The following UBE2F variants were observed in gnomAD, a reference collection of about 807,000 sequenced individuals.
UBE2F encodes NEDD8-conjugating enzyme UBE2F.
UBE2F carries 5 observed loss-of-function variants against 29.6 expected under a neutral mutation model. The ratio of observed to expected loss-of-function variants is 0.17; its 90% CI spans 0.09 to 0.36. The LOEUF (loss-of-function observed/expected upper bound fraction) is 0.36, where lower values mean the gene tolerates loss of function less well. Among genes scored for constraint, UBE2F ranks in the 10% least tolerant of loss-of-function variants. The probability of loss-of-function intolerance (pLI) is 1.00; values close to 1 mark genes in which losing one functional copy is unlikely to be tolerated. For synonymous variants in UBE2F, 66 were observed against 81.8 expected (o/e 0.81, Z 1.04); for missense variants, 141 against 228.5 (o/e 0.62, Z 2.47).
chr2:237,967,073 C>A lies in UBE2F; in HGVS notation c.-76C>A, dbSNP rs2063069039. On this transcript the variant is annotated 5_prime_UTR_variant, in exon 1 of 10. Coordinates refer to ENST00000272930, the MANE Select transcript of UBE2F (RefSeq NM_080678.3). This position sits in a 1 kb window ranked among gnomAD's most constrained non-coding sequence, Gnocchi z 6.3. ...GTGAGGGGCCGCGTCTCGCAGCAGC[C>A]GCCCGGACCGGGCATGGTGTTGGGC... The A allele has an allele frequency of 1.5e-6, 2 of 1,329,688 alleles. No individual in the cohort carries two copies. The highest frequency in any genetic ancestry group is 1.5e-5 in the African/African-American group (1 of 65,198). 82.4% of individuals were successfully genotyped at this position (1,329,688 alleles called of 1,614,324 possible). A position where few individuals can be genotyped will look rare whatever the true frequency, so the allele number is the denominator to read the frequency against.
intron 4 of UBE2F, among the ~76,000 whole-genome samples, chr2:238,008,810 T>C (rs1163400372): frequency 6.6e-6 from 1 of 152,254 alleles, no homozygotes; most frequent in African/African-American, 2.4e-5. Flanking sequence ...CTTTTACATA[T>C]GTTGTAACCC....
intron 3 of UBE2F, among the ~76,000 whole-genome samples, chr2:237,994,133 A>T (rs565084499): frequency 7.3e-6 from 1 of 137,218 alleles, no homozygotes; most frequent in South Asian, 2.3e-4. Flanking sequence ...TTTTTGAGGC[A>T]GAGTTTCACT....
In UBE2F at chr2:238,042,281, G is replaced by A. The variant is rs1371332582; in HGVS notation, c.*943G>A. ...GCAGTGGTCATGTGATTGTGACCTG[G>A]TAGCTACTTATCAGAGAGCCAGACC... On this transcript the variant is annotated 3_prime_UTR_variant, in exon 10 of 10. Transcript: ENST00000272930. The A allele has an allele frequency of 2.0e-5, 3 of 152,224 alleles. 1 individual carries two copies. The highest frequency in any genetic ancestry group is 4.1e-4 in the South Asian group (2 of 4,826). 9.4% of individuals were successfully genotyped at this position (152,224 alleles called of 1,614,324 possible). A position where few individuals can be genotyped will look rare whatever the true frequency, so the allele number is the denominator to read the frequency against.
chr2:237,970,898 A>G (rs912138750), intron 1 of UBE2F, among the ~76,000 whole-genome samples: 5 of 152,102 alleles, frequency 3.3e-5, no homozygotes, highest in Admixed American at 2.6e-4. Context: ...TTTTTAGTGG[A>G]GATGGGGTTT....
chr2:238,026,819 G>A (rs1159451837), intron 6 of UBE2F, among the ~76,000 whole-genome samples: 2 of 152,056 alleles, frequency 1.3e-5, no homozygotes, highest in South Asian at 2.1e-4. Context: ...TATCAGCCTC[G>A]TTTTTCACAG....
At chr2:237,990,121 A>G (rs1007606357) in intron 3 of UBE2F, among the ~76,000 whole-genome samples, 1 of 151,716 alleles carries the variant, frequency 6.6e-6, no homozygotes, top group Admixed American at 6.6e-5. Context: ...CAAAAAAAAA[A>G]AAAAAAAAAA....
intron 3 of UBE2F, 69 bp downstream of exon 3, chr2:237,988,061 A>G: frequency 1.2e-6 from 1 of 844,652 alleles, no homozygotes; most frequent in South Asian, 2.0e-5. Flanking sequence ...TTATGTTTTA[A>G]TAACCTTGTA....
chr2:237,977,704 T>A (rs1331633957), intron 2 of UBE2F, among the ~76,000 whole-genome samples: 1 of 151,860 alleles, frequency 6.6e-6, no homozygotes, highest in Non-Finnish European at 1.5e-5. Flanking sequence ...CTTTGAGGGG[T>A]GATAAAGTGA....
intron 3 of UBE2F, among the ~76,000 whole-genome samples, chr2:237,988,335 C>A (rs187505442): frequency 1.8e-4 from 27 of 152,092 alleles, no homozygotes; most frequent in Admixed American, 1.3e-3. Context: ...GTAGTTCCAG[C>A]TACTTGGGAG....
chr2:237,972,986 AT>A, intron 1 of UBE2F, 105 bp from the exon 2 acceptor site: 1 of 1,328,704 alleles, frequency 7.5e-7, no homozygotes, highest in Non-Finnish European at 1.0e-6. Flanking sequence ...CCATAACTAA[AT>A]TGTGGGAAAA....
intron 2 of UBE2F, among the ~76,000 whole-genome samples, chr2:237,985,774 A>G (rs1398906042): frequency 2.6e-5 from 4 of 152,208 alleles, no homozygotes; most frequent in Non-Finnish European, 4.4e-5. Context: ...GAACTTCCAT[A>G]CTGTTTTCCA....
At chr2:237,992,021 C>T (rs977099116) in intron 3 of UBE2F, among the ~76,000 whole-genome samples, 7 of 152,066 alleles carry the variant, frequency 4.6e-5, no homozygotes, top group Admixed American at 4.6e-4. Context: ...TGCGCCATTA[C>T]ATCCGGCTAA....
At chr2:238,012,601 A>G (rs575964111) in intron 4 of UBE2F, among the ~76,000 whole-genome samples, 7 of 152,340 alleles carry the variant, frequency 4.6e-5, no homozygotes, top group South Asian at 2.1e-4. Context: ...CAGTTTATCA[A>G]AACTATCTGC....
Position 237,996,622 on chromosome 2 carries a change from T to A in UBE2F, c.214+1813T>A, listed in dbSNP as rs967929265. 2.2e-4 allele frequency among the ~76,000 whole-genome samples: 34 copies of A among 151,902 alleles called. 1 individual carries two copies. Among genetic ancestry groups the A allele is most frequent in the Admixed American group, 1.8e-3 (27 of 15,246 alleles). On this transcript the variant is annotated intron_variant, in intron 4 of 9. Transcript: ENST00000272930. The stretch of plus-strand genomic sequence containing the variant: ...TCCTGAGTAGCTGGGATTACAGGCA[T>A]GCGCCACCATGCCCAGCTAATTTTT...
chr2:237,976,794 A>T (rs1489403723), intron 2 of UBE2F, among the ~76,000 whole-genome samples: 2 of 152,158 alleles, frequency 1.3e-5, no homozygotes, highest in East Asian at 3.8e-4. Context: ...TAGGCACTTA[A>T]TGGGGTAATT....
chr2:237,977,125 C>G (rs1044357552), intron 2 of UBE2F, among the ~76,000 whole-genome samples: 6 of 152,052 alleles, frequency 3.9e-5, no homozygotes, highest in Non-Finnish European at 8.8e-5. Flanking sequence ...CCAACCTGGG[C>G]GCCCCTCCAG....
chr2:237,973,517 A>C (rs2063215215), intron 2 of UBE2F: 1 of 524,100 alleles, frequency 1.9e-6, no homozygotes, highest in African/African-American at 2.0e-5. Flanking sequence ...GAGAGTCAGC[A>C]AAGCCTAAGA....
intron 4 of UBE2F, among the ~76,000 whole-genome samples, chr2:237,996,091 A>T (rs946300284): frequency 6.6e-6 from 1 of 152,200 alleles, no homozygotes; most frequent in Non-Finnish European, 1.5e-5. Context: ...TTCCTAAAAC[A>T]CATTGCATAT....
Position 238,040,101 on chromosome 2 carries a change from A to G in UBE2F, c.508-1187A>G, listed in dbSNP as rs2064806582. ...CACCTGGGTAGACTCAGAGCACTCC[A>G]CTTTCTCACCCTGAGACCAGAGCAA... On this transcript the variant is annotated intron_variant, in intron 9 of 9. Coordinates refer to ENST00000272930, the MANE Select transcript of UBE2F (RefSeq NM_080678.3). The surrounding 1 kb of genome is among the most constrained non-coding windows in gnomAD (Gnocchi z 4.4). 6.6e-6 allele frequency among the ~76,000 whole-genome samples: 1 copy of G among 152,180 alleles called. No homozygotes were observed. Among genetic ancestry groups the G allele is most frequent in the East Asian group, 1.9e-4 (1 of 5,190 alleles).
Sources: gnomAD v4.1 joint callset for allele counts (sites outside exome capture counted in the v4.1 genomes callset) on GRCh38, gnomAD v4.1.1 for gene constraint, Gnocchi (gnomAD v3.1) non-coding constraint, MANE v1.5 for transcripts, NCBI Gene and HGNC (gene_info 2026-07-23, HGNC 2026-07-21) for gene names.